The following RFWD3 variants were observed in gnomAD, a reference collection of about 807,000 sequenced individuals.
RFWD3 encodes ring finger and WD repeat domain 3.
RFWD3 carries 65 observed loss-of-function variants against 87.7 expected under a neutral mutation model. The ratio of observed to expected loss-of-function variants is 0.74; its 90% CI spans 0.61 to 0.91. The LOEUF (loss-of-function observed/expected upper bound fraction) is 0.91. RFWD3 is among the 40% of genes least tolerant of loss of function. The pLI is 0.00. For synonymous variants in RFWD3, 433 were observed against 352.8 expected, an observed-to-expected ratio of 1.23 and a Z score of -2.55; for missense variants, 1,078 against 938.5, an observed-to-expected ratio of 1.15 and a Z score of -1.94.
intron 2 of RFWD3, among the ~76,000 whole-genome samples, chr16:74,656,757 G>A (rs1368224570): frequency 3.3e-5 from 5 of 152,096 alleles, no homozygotes; most frequent in Admixed American, 3.3e-4. Flanking sequence ...TGTGCCTTGG[G>A]GATCCACCAT....
intron 8 of RFWD3, among the ~76,000 whole-genome samples, chr16:74,634,815 A>AG: frequency 2.0e-5 from 3 of 148,016 alleles, no homozygotes; most frequent in African/African-American, 4.9e-5. Context: ...AGGAAAAAAA[A>AG]AGGGGGGAAG....
intron 11 of RFWD3, 125 bp from the exon 12 acceptor site, chr16:74,626,679 G>C: frequency 1.5e-6 from 1 of 671,344 alleles, no homozygotes; most frequent in Non-Finnish European, 2.6e-6. Flanking sequence ...AAACCATCAA[G>C]AACAGTTACA....
At position 74,660,085 on chromosome 16, in the gene RFWD3, G is replaced by C. The variant is rs146431141; in HGVS notation, c.518+847C>G. Among the ~76,000 whole-genome samples the C allele has an allele frequency of 1.4e-3, 219 of 152,112 alleles. 1 individual carries two copies. In the South Asian group the frequency reaches 0.015, roughly 10 times the overall value. On this transcript the variant is annotated intron_variant, in intron 2 of 12. Coordinates refer to ENST00000361070, the MANE Select transcript of RFWD3 (RefSeq NM_018124.4). ...TAACAATAATAAAAACAAGAAGAAAGAGAAAACAAAGGGATTTCGTCGAAG... is the reference window on the plus strand; with the variant it reads ...TAACAATAATAAAAACAAGAAGAAACAGAAAACAAAGGGATTTCGTCGAAG...
At position 74,661,184 on chromosome 16, in the gene RFWD3, T is replaced by C. The variant is rs753806479; in HGVS notation, c.266A>G (p.Asp89Gly). The change falls in exon 2 of 13, where the codon GAC (aspartate) becomes GGC (glycine). Residue 89 changes from aspartate to glycine, a missense_variant. Coordinates refer to ENST00000361070, the MANE Select transcript of RFWD3 (RefSeq NM_018124.4). ...DLTEVEVLGE[D>G]TVENINPRTS... ...TCTTGGATTGATGTTCTCCACAGTG[T>C]CTTCTCCCAAGACCTCCACTTCTGT... 3 of 1,614,248 alleles carry C rather than the reference T, an allele frequency of 1.9e-6. No individual in the cohort carries two copies. The highest frequency in any genetic ancestry group is 2.2e-5 in the South Asian group (2 of 91,092).
chr16:74,653,402 G>A (rs538204781), intron 2 of RFWD3, among the ~76,000 whole-genome samples: 1 of 151,894 alleles, frequency 6.6e-6, no homozygotes, highest in African/African-American at 2.4e-5. Flanking sequence ...GATCACTTGA[G>A]CCCGAGAGTT....
At chr16:74,626,248 T>C in intron 12 of RFWD3, 95 bp downstream of exon 12, 1 of 1,059,164 alleles carries the variant, frequency 9.4e-7, no homozygotes. Context: ...ACTTTTTTGC[T>C]ATATGAGCTT....
chr16:74,638,461 A>T (rs1245805974), intron 6 of RFWD3, among the ~76,000 whole-genome samples: 1 of 152,252 alleles, frequency 6.6e-6, no homozygotes, highest in Non-Finnish European at 1.5e-5. Flanking sequence ...AACGAGGAAC[A>T]ATGTATCATA....
In RFWD3 at chr16:74,636,441, A is replaced by G; in HGVS notation, c.1331T>C (p.Val444Ala). The part of the protein sequence containing the change: ...HKYHFQKTFT[V>A]SQAGNCRIMA... The stretch of plus-strand genomic sequence containing the variant: ...GATCCGGCAGTTTCCTGCCTGAGAT[A>G]CTGTGAAGGTCTTTTGGAAGTGGTA... The change falls in exon 8 of 13, where the codon GTA becomes GCA. Residue 444 changes from valine to alanine, a missense_variant. Physicochemically the swap from Val to Ala is moderately conservative, Grantham distance 64. Coordinates refer to ENST00000361070, the MANE Select transcript of RFWD3 (RefSeq NM_018124.4). 6.2e-7 allele frequency: 1 copy of G among 1,614,158 alleles called. No homozygotes were observed. The highest frequency in any genetic ancestry group is 1.1e-5 in the South Asian group (1 of 91,084).
chr16:74,645,842 T>A (rs746444144), intron 4 of RFWD3, among the ~76,000 whole-genome samples: 4 of 136,626 alleles, frequency 2.9e-5, no homozygotes, highest in Non-Finnish European at 6.1e-5. Flanking sequence ...AAGTTCCGCC[T>A]CCTGGGTTCA....
At chr16:74,636,135 G>GT (rs1454761012) in intron 8 of RFWD3, among the ~76,000 whole-genome samples, 1 of 152,140 alleles carries the variant, frequency 6.6e-6, no homozygotes, top group African/African-American at 2.4e-5. Flanking sequence ...ATGGTTATCA[G>GT]TATTTCTACC....
chr16:74,631,583 T>C (rs1959096904), intron 9 of RFWD3, among the ~76,000 whole-genome samples: 1 of 152,170 alleles, frequency 6.6e-6, no homozygotes, highest in South Asian at 2.1e-4. Flanking sequence ...TCACATCTGG[T>C]TCACAGTACT....
intron 3 of RFWD3, among the ~76,000 whole-genome samples, chr16:74,651,340 G>A (rs767285513): frequency 1.3e-5 from 2 of 152,196 alleles, no homozygotes; most frequent in African/African-American, 4.8e-5. Context: ...AATCTAGGCC[G>A]GGTGCAGTGG....
intron 4 of RFWD3, among the ~76,000 whole-genome samples, chr16:74,646,660 C>T (rs1452298756): frequency 6.6e-6 from 1 of 151,926 alleles, no homozygotes; most frequent in Non-Finnish European, 1.5e-5. Context: ...ACGGCGTGTG[C>T]CTGTAGTTCC....
chr16:74,638,240 C>T (rs962850467), intron 6 of RFWD3, among the ~76,000 whole-genome samples: 7 of 152,058 alleles, frequency 4.6e-5, no homozygotes, highest in Admixed American at 3.9e-4. Context: ...TAGTGTTCAG[C>T]TACGGCAAAT....
chr16:74,665,870 C>T (rs1961848253), intron 1 of RFWD3, among the ~76,000 whole-genome samples: 1 of 152,080 alleles, frequency 6.6e-6, no homozygotes, highest in African/African-American at 2.4e-5. Context: ...CCTCAGCCTC[C>T]CGAGTAGCTG....
chr16:74,624,220 C>T, intron 12 of RFWD3, 149 bp from the exon 13 acceptor site: 1 of 858,934 alleles, frequency 1.2e-6, no homozygotes, highest in Non-Finnish European at 1.7e-6. Context: ...CAAGGTTGTT[C>T]AAAGTCAGCA....
At chr16:74,649,846 G>C (rs1034037178) in intron 3 of RFWD3, among the ~76,000 whole-genome samples, 4 of 151,758 alleles carry the variant, frequency 2.6e-5, no homozygotes, top group Non-Finnish European at 5.9e-5. Context: ...TCATTGATTT[G>C]TCAGGTCATT....
chr16:74,665,871 C>T (rs1961848406), intron 1 of RFWD3, among the ~76,000 whole-genome samples: 1 of 152,116 alleles, frequency 6.6e-6, no homozygotes, highest in Non-Finnish European at 1.5e-5. Context: ...CTCAGCCTCC[C>T]GAGTAGCTGG....
chr16:74,647,764 G>C (rs1597442337), intron 4 of RFWD3, among the ~76,000 whole-genome samples: 1 of 151,934 alleles, frequency 6.6e-6, no homozygotes, highest in South Asian at 2.1e-4. Context: ...GCTAATCTTT[G>C]CATTTTTACT....
Sources: gnomAD v4.1 joint callset for allele counts (sites outside exome capture counted in the v4.1 genomes callset) on GRCh38, gnomAD v4.1.1 for gene constraint, MANE v1.5 for transcripts, NCBI Gene and HGNC (gene_info 2026-07-23, HGNC 2026-07-21) for gene names.